The following GPR19 variants were observed in gnomAD, a reference collection of about 807,000 sequenced individuals.
GPR19 encodes the protein probable G protein-coupled receptor 19.
A neutral mutation model predicts 28.5 loss-of-function variants in GPR19; 14 were observed. The observed-to-expected ratio is 0.49, with a 90% CI of 0.32 to 0.77. The LOEUF is 0.77. GPR19 is among the 30% of genes least tolerant of loss of function. The pLI is 0.03. For synonymous variants in GPR19, 173 were observed against 184.1 expected (o/e 0.94, Z 0.49); for missense variants, 409 against 504.1 (o/e 0.81, Z 1.81).
chr12:12,696,911 G>C (rs1220346416), upstream of GPR19, among the ~76,000 whole-genome samples: 1 of 152,142 alleles, frequency 6.6e-6, no homozygotes, highest in African/African-American at 2.4e-5. Flanking sequence ...TCGGTGCCGC[G>C]TCAGAGCTGT....
chr12:12,671,319 T>A (rs1945852975), intron 3 of GPR19, among the ~76,000 whole-genome samples: 1 of 128,118 alleles, frequency 7.8e-6, no homozygotes, highest in Non-Finnish European at 1.8e-5. Flanking sequence ...AAAAAAAAAA[T>A]TGTTTCCATT....
chr12:12,691,295 T>G (rs1254938243), intron 2 of GPR19, among the ~76,000 whole-genome samples: 1 of 152,178 alleles, frequency 6.6e-6, no homozygotes, highest in Admixed American at 6.5e-5. Flanking sequence ...GTTTCTAAAA[T>G]TCCGTTAACT....
chr12:12,713,598 T>C, the GPR19 span, among the ~76,000 whole-genome samples: 1 of 152,090 alleles, frequency 6.6e-6, no homozygotes, highest in Non-Finnish European at 1.5e-5. Context: ...AGTGGCAAGA[T>C]CTTGGCTCAC....
At chr12:12,674,274 C>CA (rs11423009) in intron 3 of GPR19, among the ~76,000 whole-genome samples, 36,866 of 103,824 alleles carry the variant, frequency 0.36, 6,824 homozygotes, top group East Asian at 0.44. Flanking sequence ...CTATCTCTAC[C>CA]AAAAAAAAAA....
At chr12:12,715,347 G>A in the GPR19 span, among the ~76,000 whole-genome samples, 7 of 152,202 alleles carry the variant, frequency 4.6e-5, no homozygotes, top group Non-Finnish European at 1.0e-4. Context: ...AAAAACTAAA[G>A]AGGATGAGAC....
At chr12:12,700,587 A>G (rs1946316252), upstream of GPR19, among the ~76,000 whole-genome samples, 1 of 152,138 alleles carries the variant, frequency 6.6e-6, no homozygotes, top group Admixed American at 6.5e-5. Flanking sequence ...GGTCACTCAA[A>G]ACCTTTGCAA....
intron 1 of GPR19, 85 bp from the exon 2 acceptor site, chr12:12,695,596 G>GC (rs1946249904): frequency 6.6e-6 from 1 of 152,118 alleles, no homozygotes; most frequent in Non-Finnish European, 1.5e-5. Flanking sequence ...ACTGTTCTTC[G>GC]CAATTCCACC....
intron 3 of GPR19, among the ~76,000 whole-genome samples, chr12:12,665,020 G>A (rs1170295250): frequency 6.8e-6 from 1 of 148,110 alleles, no homozygotes; most frequent in East Asian, 2.1e-4. Context: ...ATATAAGATT[G>A]AAATCATCTT....
chr12:12,669,700 G>A (rs1224810589), intron 3 of GPR19, among the ~76,000 whole-genome samples: 1 of 152,146 alleles, frequency 6.6e-6, no homozygotes, highest in Admixed American at 6.5e-5. Context: ...TCCCCCCTCT[G>A]CAGAGCCAGT....
Position 12,664,832 on chromosome 12 carries a change from A to C in GPR19, c.-22-2362T>G, listed in dbSNP as rs552958574. On this transcript the variant is annotated intron_variant, in intron 3 of 3. Transcript: ENST00000651487. ...CTACTCGGGAGGCTGAGGCAGGAGA[A>C]TCGCTTGAACCCGGGAGGCGAAGGT... Among the ~76,000 whole-genome samples the C allele has an allele frequency of 2.0e-5, 3 of 147,094 alleles. No homozygotes were observed. The Admixed American group carries it at 2.1e-4, about 10-fold the overall frequency.
upstream of GPR19, among the ~76,000 whole-genome samples, chr12:12,698,631 A>C (rs1555083510): frequency 6.7e-6 from 1 of 148,630 alleles, no homozygotes; most frequent in Non-Finnish European, 1.5e-5. Flanking sequence ...TTTTTTTCTC[A>C]AGACGGTCTT....
chr12:12,678,273 G>A (rs1035604942), intron 3 of GPR19, among the ~76,000 whole-genome samples: 1 of 151,540 alleles, frequency 6.6e-6, no homozygotes, highest in African/African-American at 2.4e-5. Flanking sequence ...ATATTGTTAT[G>A]TATATACCCT....
At chr12:12,706,512 A>G in the GPR19 span, among the ~76,000 whole-genome samples, 1 of 152,182 alleles carries the variant, frequency 6.6e-6, no homozygotes, top group Non-Finnish European at 1.5e-5. Context: ...CCAAATGTGT[A>G]TCTCCAGCAC....
chr12:12,664,937 AAAAAAAAAAG>A (rs1398817980), intron 3 of GPR19, among the ~76,000 whole-genome samples: 17 of 148,402 alleles, frequency 1.1e-4, no homozygotes, highest in African/African-American at 3.4e-4. Flanking sequence ...AAAAAAAAAA[AAAAAAAAAAG>A]AAATCAGGAC....
At chr12:12,682,709 C>T (rs539778258) in intron 3 of GPR19, among the ~76,000 whole-genome samples, 166 of 152,144 alleles carry the variant, frequency 1.1e-3, no homozygotes, top group Non-Finnish European at 2.0e-3. Flanking sequence ...GCAATGAAAC[C>T]CTGAAGGGAA....
At chr12:12,717,045 C>T in the GPR19 span, 6 of 1,005,742 alleles carry the variant, frequency 6.0e-6, no homozygotes, top group African/African-American at 1.7e-5. Flanking sequence ...CGCGGCGAAC[C>T]CGCCAACGCA....
At chr12:12,713,695 G>A in the GPR19 span, among the ~76,000 whole-genome samples, 1 of 151,930 alleles carries the variant, frequency 6.6e-6, no homozygotes, top group Non-Finnish European at 1.5e-5. Context: ...ACCATGCCCA[G>A]CTAATGTTTG....
At chr12:12,698,770 C>A (rs903631653), upstream of GPR19, among the ~76,000 whole-genome samples, 20 of 151,888 alleles carry the variant, frequency 1.3e-4, no homozygotes, top group Non-Finnish European at 1.6e-4. Flanking sequence ...GCCACCACGC[C>A]CGGCTAATTT....
chr12:12,667,390 G>C (rs1220239577), intron 3 of GPR19, among the ~76,000 whole-genome samples: 2 of 152,136 alleles, frequency 1.3e-5, no homozygotes, highest in African/African-American at 4.8e-5. Flanking sequence ...TAGATGGGTT[G>C]TCATAGCACA....
Sources: allele counts gnomAD v4.1 joint callset (sites outside exome capture counted in the v4.1 genomes callset), GRCh38; gene constraint gnomAD v4.1.1; transcripts MANE v1.5; gene names NCBI Gene and HGNC (gene_info 2026-07-23, HGNC 2026-07-21).